Variants in GLI3 observed in about 807,000 individuals in gnomAD.
GLI3 encodes the protein transcription activator GLI3.
A neutral mutation model predicts 100.8 loss-of-function variants in GLI3; 20 were observed. That is an observed-to-expected ratio of 0.20 (90% confidence interval 0.14 to 0.29). The LOEUF (loss-of-function observed/expected upper bound fraction) is 0.29, where lower values mean the gene tolerates loss of function less well. Among genes scored for constraint, GLI3 ranks in the 10% least tolerant of loss-of-function variants. The pLI is 1.00. For synonymous variants in GLI3, 938 were observed against 860.5 expected, an observed-to-expected ratio of 1.09 and a Z score of -1.58; for missense variants, 2,040 against 2,128.5, an observed-to-expected ratio of 0.96 and a Z score of 0.82.
At chr7:42,183,922 G>A (rs1787668641) in intron 2 of GLI3, among the ~76,000 whole-genome samples, 1 of 152,108 alleles carries the variant, frequency 6.6e-6, no homozygotes, top group Non-Finnish European at 1.5e-5. Flanking sequence ...ATGGAAATCG[G>A]GAGCCAGAAA....
chr7:41,966,750 C>A lies in GLI3; in HGVS notation c.2432-109G>T. 5 of 1,130,326 alleles carry A rather than the reference C, an allele frequency of 4.4e-6. No individual in the cohort carries two copies. Among genetic ancestry groups the A allele is most frequent in the Non-Finnish European group, 6.6e-6 (5 of 760,320 alleles). 70.0% of individuals were successfully genotyped at this position (1,130,326 alleles called of 1,614,324 possible). ...GTAAAGGGCCAGCTAGGAACTATTTCTGGTGTCCCAGGCCACATTGCCTGC... is the reference window on the plus strand; with the variant it reads ...GTAAAGGGCCAGCTAGGAACTATTTATGGTGTCCCAGGCCACATTGCCTGC... On this transcript the variant is annotated intron_variant, in intron 14 of 14. Coordinates refer to ENST00000395925, the MANE Select transcript of GLI3 (RefSeq NM_000168.6). The surrounding 1 kb of genome is among the most constrained non-coding windows in gnomAD (Gnocchi z 5.8).
intron 10 of GLI3, among the ~76,000 whole-genome samples, chr7:42,003,176 T>C (rs563136341): frequency 6.6e-6 from 1 of 152,298 alleles, no homozygotes; most frequent in Admixed American, 6.5e-5. Flanking sequence ...TTACAGACTA[T>C]TTTGAAATAT....
In GLI3 at chr7:41,961,506, G is replaced by T. The variant is rs1217229753; in HGVS notation, c.*2824C>A. On this transcript the variant is annotated 3_prime_UTR_variant, in exon 15 of 15. Transcript: ENST00000395925. ...AAAACTTTGTGGCTCAAGAGGAAGA[G>T]CCAATGTGTGAGGAGTTGGGAGGGG... is the stretch of plus-strand genomic sequence containing the variant. 1.3e-5 allele frequency: 2 copies of T among 152,630 alleles called. No homozygotes were observed. The highest frequency in any genetic ancestry group is 4.8e-5 in the African/African-American group (2 of 41,448). The allele number at this position is 152,630 out of a possible 1,614,324, so 9.5% of individuals were successfully genotyped here. A position where few individuals can be genotyped will look rare whatever the true frequency, so the allele number is the denominator to read the frequency against.
chr7:41,983,829 C>T (rs2128714798), intron 10 of GLI3, among the ~76,000 whole-genome samples: 1 of 152,310 alleles, frequency 6.6e-6, no homozygotes, highest in South Asian at 2.1e-4. Flanking sequence ...GGGTCCATGT[C>T]TTCAGTTTTC....
At chr7:42,246,088 A>G (rs1788968176) in intron 1 of GLI3, among the ~76,000 whole-genome samples, 1 of 152,026 alleles carries the variant, frequency 6.6e-6, no homozygotes, top group South Asian at 2.1e-4. Flanking sequence ...ACTCTGAAAA[A>G]CCACTGTGCT....
intron 3 of GLI3, among the ~76,000 whole-genome samples, chr7:42,089,676 C>T (rs1030384357): frequency 1.2e-4 from 19 of 152,190 alleles, no homozygotes; most frequent in Admixed American, 1.0e-3. Context: ...AAGGCTCCCC[C>T]ATTTAAAGAC....
intron 2 of GLI3, among the ~76,000 whole-genome samples, chr7:42,165,804 A>G (rs1347646503): frequency 2.0e-5 from 3 of 152,222 alleles, no homozygotes; most frequent in Non-Finnish European, 4.4e-5. Context: ...AATTCAATCA[A>G]AAATGTAGAA....
chr7:42,158,413 C>T (rs527475522), intron 2 of GLI3, among the ~76,000 whole-genome samples: 1 of 152,264 alleles, frequency 6.6e-6, no homozygotes, highest in East Asian at 1.9e-4. Flanking sequence ...TTACTATTAA[C>T]CCCTAAAATG....
Position 41,966,249 on chromosome 7 carries a change from G to A in GLI3, c.2824C>T (p.Pro942Ser). 6.2e-7 allele frequency: 1 copy of A among 1,608,098 alleles called. No homozygotes were observed. Among genetic ancestry groups the A allele is most frequent in the Non-Finnish European group, 8.5e-7 (1 of 1,179,062 alleles). ...CTCTCCATGTTGGGCAGGGGCGTCG[G>A]CGGCGGCCCTCCTGTGGCAGCCGCG... Reference protein sequence around the residue: ...KYAAATGGPPPTPLPNMERMS... With the variant: ...KYAAATGGPPSTPLPNMERMS... Residue 942 changes from proline (P) to serine (S), a missense_variant, in exon 15 of 15, where the codon CCG becomes TCG. Around this residue, in one of 5 missense-constraint regions of GLI3, gnomAD observed 1,041 missense variants for 924.0 expected, o/e 1.13. Transcript: ENST00000395925. This position sits in a 1 kb window ranked among gnomAD's most constrained non-coding sequence, Gnocchi z 5.8.
At chr7:42,116,251 A>G (rs1448601178) in intron 3 of GLI3, among the ~76,000 whole-genome samples, 1 of 152,062 alleles carries the variant, frequency 6.6e-6, no homozygotes, top group Non-Finnish European at 1.5e-5. Flanking sequence ...CTGAGTTAAA[A>G]ACCTCTGCGT....
intron 3 of GLI3, among the ~76,000 whole-genome samples, chr7:42,083,886 C>T (rs567441391): frequency 6.6e-6 from 1 of 152,198 alleles, no homozygotes; most frequent in South Asian, 2.1e-4. Flanking sequence ...TGAAATTAAC[C>T]ATAAATCTAG....
chr7:42,143,984 A>C (rs1388059009), intron 3 of GLI3, among the ~76,000 whole-genome samples: 1 of 152,226 alleles, frequency 6.6e-6, no homozygotes, highest in Non-Finnish European at 1.5e-5. Flanking sequence ...AACTTTGCAC[A>C]AAGATCCCTG....
At chr7:42,194,398 G>C (rs551438326) in intron 2 of GLI3, among the ~76,000 whole-genome samples, 1 of 152,098 alleles carries the variant, frequency 6.6e-6, no homozygotes, top group Non-Finnish European at 1.5e-5. Context: ...ATCTGCTTTC[G>C]GCATTGTTGT....
rs1184293026 is a variant in GLI3 at position 42,112,398 on chromosome 7, C to A, written c.368-35541G>T. Among the ~76,000 whole-genome samples the A allele has an allele frequency of 2.0e-5, 3 of 152,014 alleles. No individual in the cohort carries two copies. In the East Asian group the frequency reaches 5.8e-4, roughly 29 times the overall value. Reference sequence around the variant, plus strand: ...CACAGCTAGATAGAATGAATAAGATCTAGTATTTGATAGCAAAACAGGGTG... The same window carrying A: ...CACAGCTAGATAGAATGAATAAGATATAGTATTTGATAGCAAAACAGGGTG... On this transcript the variant is annotated intron_variant, in intron 3 of 14. Coordinates refer to ENST00000395925, the MANE Select transcript of GLI3 (RefSeq NM_000168.6).
At chr7:42,023,406 C>T in intron 10 of GLI3, 62 bp downstream of exon 10, 1 of 1,561,436 alleles carries the variant, frequency 6.4e-7, no homozygotes, top group Non-Finnish European at 8.8e-7. Flanking sequence ...GTCAGAGAGG[C>T]TGACCTCCCT....
rs545927268 is a variant in GLI3 at position 42,132,308 on chromosome 7, G to C, written c.367+15918C>G. Among the ~76,000 whole-genome samples, 1,142 of 151,952 alleles carry C rather than the reference G, an allele frequency of 7.5e-3. 19 individuals carry two copies. The highest frequency in any genetic ancestry group is 0.026 in the African/African-American group (1,094 of 41,390). ...GTAGAGATGGGGTTTCACCATGTTA[G>C]CCAGGATGGTCTCGATCTCCTGACC... On this transcript the variant is annotated intron_variant, in intron 3 of 14. Coordinates refer to ENST00000395925, the MANE Select transcript of GLI3 (RefSeq NM_000168.6).
chr7:41,977,459 G>T (rs1562666482), intron 12 of GLI3, 99 bp downstream of exon 12: 2 of 1,299,880 alleles, frequency 1.5e-6, no homozygotes, highest in East Asian at 2.5e-5. Context: ...AATGGCCAAG[G>T]GGAAAACAAA....
intron 6 of GLI3, 23 bp downstream of exon 6, chr7:42,045,361 T>C (rs777654618): frequency 6.2e-7 from 1 of 1,610,438 alleles, no homozygotes; most frequent in Non-Finnish European, 8.5e-7. Flanking sequence ...CCCAAGACTC[T>C]AGAAACCAGC....
chr7:42,227,872 C>A (rs1008452697), intron 1 of GLI3, among the ~76,000 whole-genome samples: 3 of 152,172 alleles, frequency 2.0e-5, no homozygotes, highest in African/African-American at 7.2e-5. Context: ...TTCACCATTA[C>A]AAAGGCGAGT....
Sources: gnomAD v4.1 joint callset for allele counts (sites outside exome capture counted in the v4.1 genomes callset) on GRCh38, gnomAD v4.1.1 for gene constraint, gnomAD v4.1.1 regional missense constraint, Gnocchi (gnomAD v3.1) non-coding constraint, MANE v1.5 for transcripts, NCBI Gene and HGNC (gene_info 2026-07-23, HGNC 2026-07-21) for gene names.